The following ITGA9 variants were observed in gnomAD, a reference collection of about 807,000 sequenced individuals.
The protein encoded by ITGA9 is integrin subunit alpha 9.
A neutral mutation model predicts 127.8 loss-of-function variants in ITGA9; 56 were observed. That is an observed-to-expected ratio of 0.44 (90% CI 0.35 to 0.55). The LOEUF (loss-of-function observed/expected upper bound fraction) is 0.55. ITGA9 is among the 20% of genes least tolerant of loss of function. The probability of loss-of-function intolerance (pLI) is 0.00; values close to 1 mark genes in which losing one functional copy is unlikely to be tolerated. For missense variants in ITGA9, 1,196 were observed against 1,347.1 expected, an observed-to-expected ratio of 0.89 and a Z score of 1.76; for synonymous variants, 508 against 514.5, an observed-to-expected ratio of 0.99 and a Z score of 0.17.
In ITGA9 at chr3:37,542,408, C is replaced by T; in HGVS notation, c.1529-17C>T. ...TGTCGGTCCTTTCTGACATTTTGAC[C>T]TCTCATTTATTGGCAGGCCTGAATT... is the stretch of plus-strand genomic sequence containing the variant. On this transcript the variant is annotated splice_polypyrimidine_tract_variant and intron_variant, in intron 14 of 27. Transcript: ENST00000264741. The T allele has an allele frequency of 6.2e-7, 1 of 1,612,684 alleles. No individual in the cohort carries two copies. The highest frequency in any genetic ancestry group is 8.5e-7 in the Non-Finnish European group (1 of 1,179,904).
At chr3:37,789,710 A>T (rs1277865877) in intron 26 of ITGA9, among the ~76,000 whole-genome samples, 2 of 131,560 alleles carry the variant, frequency 1.5e-5, no homozygotes, top group African/African-American at 5.6e-5. Context: ...CGGAGCTTGC[A>T]GTGAGCTGAG....
chr3:37,539,578 T>C (rs773252277), intron 14 of ITGA9, among the ~76,000 whole-genome samples: 1 of 152,174 alleles, frequency 6.6e-6, no homozygotes, highest in Non-Finnish European at 1.5e-5. Flanking sequence ...TTAGTCTTTT[T>C]CTCTTAAAAC....
chr3:37,599,655 T>C (rs756365375), intron 15 of ITGA9, among the ~76,000 whole-genome samples: 7 of 152,220 alleles, frequency 4.6e-5, no homozygotes, highest in Non-Finnish European at 7.3e-5. Flanking sequence ...ACTGAGCCCA[T>C]GGGCTTTGGA....
At chr3:37,555,329 G>A (rs1699420013) in intron 15 of ITGA9, among the ~76,000 whole-genome samples, 1 of 151,558 alleles carries the variant, frequency 6.6e-6, no homozygotes, top group Non-Finnish European at 1.5e-5. Context: ...AGAACTTTCT[G>A]TGATGAAGGA....
At chr3:37,592,413 TGGG>T (rs1699829595) in intron 15 of ITGA9, among the ~76,000 whole-genome samples, 1 of 152,126 alleles carries the variant, frequency 6.6e-6, no homozygotes, top group Non-Finnish European at 1.5e-5. Flanking sequence ...TTCTGCCTCC[TGGG>T]GGCAGGAGGA....
chr3:37,539,510 T>C (rs1378711645), intron 14 of ITGA9, among the ~76,000 whole-genome samples: 5 of 151,972 alleles, frequency 3.3e-5, no homozygotes, highest in Non-Finnish European at 7.4e-5. Flanking sequence ...CAGGGAAGAG[T>C]TGATGTTGCA....
chr3:37,672,629 C>G (rs1032929506), intron 17 of ITGA9, among the ~76,000 whole-genome samples: 3 of 152,070 alleles, frequency 2.0e-5, no homozygotes, highest in Non-Finnish European at 2.9e-5. Context: ...CAGAAGAAAG[C>G]GTATCATAGG....
chr3:37,804,077 C>T, intron 27 of ITGA9, 135 bp downstream of exon 27: 1 of 1,350,922 alleles, frequency 7.4e-7, no homozygotes, highest in Non-Finnish European at 1.0e-6. Flanking sequence ...AGTGACCCTT[C>T]AGGCAGGGAG....
intron 15 of ITGA9, among the ~76,000 whole-genome samples, chr3:37,590,411 G>A (rs766157784): frequency 2.7e-4 from 41 of 152,210 alleles, no homozygotes; most frequent in Non-Finnish European, 5.1e-4. Context: ...GCATGAGGGA[G>A]CCAACAGGAA....
rs574374540 is a variant in ITGA9, at chr3:37,821,361, T to C, written c.*2372T>C. 1 of 152,328 alleles carries C rather than the reference T, an allele frequency of 6.6e-6. No homozygotes were observed. Among genetic ancestry groups the C allele is most frequent in the South Asian group, 2.1e-4 (1 of 4,830 alleles). 9.4% of individuals were successfully genotyped at this position (152,328 alleles called of 1,614,324 possible). ...GGCCCCTGCTGTGTGTCAGGCACTG[T>C]GCAAGGTGCTGGAGGTTCCCCAGAG... On this transcript the variant is annotated 3_prime_UTR_variant, in exon 28 of 28. Coordinates refer to ENST00000264741, the MANE Select transcript of ITGA9 (RefSeq NM_002207.3).
chr3:37,679,219 A>ATG, intron 17 of ITGA9, among the ~76,000 whole-genome samples: 1 of 151,934 alleles, frequency 6.6e-6, no homozygotes, highest in Admixed American at 6.6e-5. Context: ...ATTAAAATAA[A>ATG]AAGGGAAATT....
chr3:37,628,903 T>C (rs1700202184), intron 15 of ITGA9, among the ~76,000 whole-genome samples: 1 of 152,064 alleles, frequency 6.6e-6, no homozygotes, highest in Non-Finnish European at 1.5e-5. Context: ...GGAGGATGAG[T>C]AAAGTAATGT....
chr3:37,692,076 T>G (rs1277465319), intron 18 of ITGA9, among the ~76,000 whole-genome samples: 1 of 152,026 alleles, frequency 6.6e-6, no homozygotes, highest in Non-Finnish European at 1.5e-5. Flanking sequence ...GGCTCAAGGG[T>G]CTTCTCTCTG....
intron 4 of ITGA9, among the ~76,000 whole-genome samples, chr3:37,487,146 A>G (rs190546101): frequency 7.2e-4 from 109 of 152,368 alleles, no homozygotes; most frequent in Non-Finnish European, 7.8e-4. Context: ...TAAAAATTCA[A>G]GAACAAGCCT....
chr3:37,499,311 G>A (rs1336779387), intron 5 of ITGA9, among the ~76,000 whole-genome samples: 1 of 152,310 alleles, frequency 6.6e-6, no homozygotes, highest in South Asian at 2.1e-4. Flanking sequence ...TGTAGATCCC[G>A]GGCACTCCTG....
rs72867550 is a variant in ITGA9 at position 37,513,936 on chromosome 3, G to T, written c.1035+36G>T. The T allele has an allele frequency of 5.1e-5, 82 of 1,611,604 alleles. No individual in the cohort carries two copies. In the Admixed American group the frequency reaches 7.3e-4, roughly 14 times the overall value. On this transcript the variant is annotated intron_variant, in intron 9 of 27. Transcript: ENST00000264741. ...TACTGGGCAATGTGCGGATGGGTGTGGGGGAGGGACATTTGTCCAGCCAGC... is the reference window on the plus strand; with the variant it reads ...TACTGGGCAATGTGCGGATGGGTGTTGGGGAGGGACATTTGTCCAGCCAGC...
chr3:37,641,411 T>C (rs565630658), intron 16 of ITGA9, among the ~76,000 whole-genome samples: 8 of 152,264 alleles, frequency 5.3e-5, no homozygotes, highest in Middle Eastern at 3.4e-3. Flanking sequence ...TGAACCTCTC[T>C]GGATCTTTAG....
chr3:37,491,645 G>A (rs1349949010), intron 4 of ITGA9, among the ~76,000 whole-genome samples: 1 of 152,188 alleles, frequency 6.6e-6, no homozygotes, highest in African/African-American at 2.4e-5. Context: ...TTGTTTGTGG[G>A]GCAGCCCCTT....
chr3:37,552,686 G>T (rs918512960), intron 15 of ITGA9, among the ~76,000 whole-genome samples: 5 of 152,120 alleles, frequency 3.3e-5, no homozygotes, highest in Admixed American at 6.5e-5. Context: ...AGCTCTCTGT[G>T]TATGTTACAC....
Sources: gnomAD v4.1 joint callset for allele counts (sites outside exome capture counted in the v4.1 genomes callset) on GRCh38, gnomAD v4.1.1 for gene constraint, MANE v1.5 for transcripts, NCBI Gene and HGNC (gene_info 2026-07-23, HGNC 2026-07-21) for gene names.